CFAP61: variants seen among roughly 807,000 people sequenced by gnomAD.
The protein encoded by CFAP61 is cilia- and flagella-associated protein 61.
CFAP61 carries 107 observed loss-of-function variants against 135.6 expected under a neutral mutation model. That is an observed-to-expected ratio of 0.79 (90% CI 0.67 to 0.93). The LOEUF is 0.93. Ranked by LOEUF, CFAP61 falls within the 40% of genes least tolerant of loss-of-function variation. The pLI is 0.00. For missense variants in CFAP61, 1,507 were observed against 1,556.2 expected, an observed-to-expected ratio of 0.97 and a Z score of 0.53; for synonymous variants, 575 against 578.5, an observed-to-expected ratio of 0.99 and a Z score of 0.09.
rs1464843549 is a variant in CFAP61, at chr20:20,052,564, A to AGT, written c.-62_-61dup. ...GCGTCCTCCTTGCGGCAGCGCGTGG[A>AGT]GTGCGGCGTCCTGGAGCTGCGGATG... is the stretch of plus-strand genomic sequence containing the variant. On this transcript the variant is annotated 5_prime_UTR_variant, in exon 1 of 27. Transcript: ENST00000245957. 5.6e-6 allele frequency: 9 copies of AGT among 1,613,816 alleles called. No individual in the cohort carries two copies. Among genetic ancestry groups the AGT allele is most frequent in the Non-Finnish European group, 6.8e-6 (8 of 1,179,900 alleles).
intron 22 of CFAP61, among the ~76,000 whole-genome samples, chr20:20,282,664 G>T (rs753374443): frequency 6.6e-6 from 1 of 152,088 alleles, no homozygotes; most frequent in Non-Finnish European, 1.5e-5. Flanking sequence ...TAGAGCCAGG[G>T]ACGGTAACTC....
intron 26 of CFAP61, among the ~76,000 whole-genome samples, chr20:20,353,935 A>C (rs1332780047): frequency 6.6e-6 from 1 of 152,266 alleles, no homozygotes; most frequent in East Asian, 1.9e-4. Context: ...AAAACTAAAA[A>C]TAGAATTACA....
At chr20:20,064,594 T>C (rs1478477143) in intron 2 of CFAP61, among the ~76,000 whole-genome samples, 1 of 152,200 alleles carries the variant, frequency 6.6e-6, no homozygotes, top group African/African-American at 2.4e-5. Context: ...CGTAATTTCA[T>C]CTTGCTACTC....
intron 20 of CFAP61, among the ~76,000 whole-genome samples, chr20:20,259,137 G>GA (rs1046604092): frequency 1.3e-5 from 2 of 150,562 alleles, no homozygotes; most frequent in Non-Finnish European, 3.0e-5. Context: ...AGTTCAAAAA[G>GA]AAAAAGTTTA....
chr20:20,233,781 G>A (rs1461159482), intron 18 of CFAP61, among the ~76,000 whole-genome samples: 2 of 152,248 alleles, frequency 1.3e-5, no homozygotes, highest in South Asian at 2.1e-4. Flanking sequence ...ACCCCTGCTC[G>A]TTTCAGTATA....
intron 9 of CFAP61, among the ~76,000 whole-genome samples, chr20:20,156,128 A>G (rs1569022574): frequency 6.6e-6 from 1 of 152,178 alleles, no homozygotes; most frequent in African/African-American, 2.4e-5. Context: ...TTTCCATGCA[A>G]CCAAACACCA....
chr20:20,118,342 T>C (rs1214966090), intron 8 of CFAP61, among the ~76,000 whole-genome samples: 3 of 147,594 alleles, frequency 2.0e-5, no homozygotes, highest in Non-Finnish European at 4.4e-5. Context: ...GTCTTTCTTC[T>C]TCTTTTTTTT....
rs571789732 is a variant in CFAP61 at position 20,059,435 on chromosome 20, G to A, written c.143+2639G>A. Among the ~76,000 whole-genome samples, 5 of 148,392 alleles carry A rather than the reference G, an allele frequency of 3.4e-5. No homozygotes were observed. The South Asian group carries it at 1.1e-3, about 32-fold the overall frequency. On this transcript the variant is annotated intron_variant, in intron 2 of 26. Transcript: ENST00000245957. ...AGTTTGAGACCAACCTGGCCTATAT[G>A]GCAAAACCCCATCTCTACCAAAAAT...
rs553083342 is a variant in CFAP61, at chr20:20,284,302, T to C, written c.2797-4307T>C. ...TTATTTTATTTTATTTTATTTTATT[T>C]TGAGATGGAGTCTCGCTTTGTTGCC... On this transcript the variant is annotated intron_variant, in intron 22 of 26. Coordinates refer to ENST00000245957, the MANE Select transcript of CFAP61 (RefSeq NM_015585.4). Among the ~76,000 whole-genome samples the C allele has an allele frequency of 1.2e-3, 13 of 10,500 alleles. No individual in the cohort carries two copies. In the South Asian group the frequency reaches 0.033, roughly 27 times the overall value. The allele number at this position is 10,500 out of a possible 152,430, so 6.9% of individuals were successfully genotyped here.
chr20:20,188,412 G>T (rs564164530), intron 14 of CFAP61, among the ~76,000 whole-genome samples: 1 of 152,308 alleles, frequency 6.6e-6, no homozygotes, highest in African/African-American at 2.4e-5. Flanking sequence ...GAATCCATGG[G>T]TATCTGGTGC....
chr20:20,228,859 C>T (rs2048925786), intron 18 of CFAP61, among the ~76,000 whole-genome samples: 1 of 152,204 alleles, frequency 6.6e-6, no homozygotes, highest in African/African-American at 2.4e-5. Context: ...AGATCCTGCA[C>T]CCAACTTACA....
At position 20,143,041 on chromosome 20, in the gene CFAP61, C is replaced by T. The variant is rs146303145; in HGVS notation, c.951+93C>T. 1.4e-3 allele frequency: 1,047 copies of T among 736,468 alleles called. 8 individuals are homozygous for T. In the African/African-American group the frequency reaches 0.017, roughly 12 times the overall value. The allele number at this position is 736,468 out of a possible 1,614,324, so 45.6% of individuals were successfully genotyped here. ...GGCATCTCTGGTGCTGGCGTCACTACGGAGAAGTTCTAATGCCTGATGCAG... is the reference window on the plus strand; with the variant it reads ...GGCATCTCTGGTGCTGGCGTCACTATGGAGAAGTTCTAATGCCTGATGCAG... On this transcript the variant is annotated intron_variant, in intron 9 of 26. Coordinates refer to ENST00000245957, the MANE Select transcript of CFAP61 (RefSeq NM_015585.4).
chr20:20,360,392 G>A lies in CFAP61; in HGVS notation c.3696G>A (p.Ala1232=), dbSNP rs768757387. 3.1e-6 allele frequency: 5 copies of A among 1,613,796 alleles called. No individual in the cohort carries two copies. The Admixed American group carries it at 8.3e-5, about 27-fold the overall frequency. The change falls in exon 27 of 27, where the codon GCG becomes GCA. Residue 1232 remains alanine (A), a synonymous_variant. Transcript: ENST00000245957. ...ACCGCTACCACCTGCCCATGTACGC[G>A]TGGCCAGGCATCGTTTAGTTGTAGG... ...HYNRYHLPMY[A]WPGIV is the part of the protein sequence containing the mutation.
At chr20:20,247,421 G>A (rs1354250531) in intron 19 of CFAP61, among the ~76,000 whole-genome samples, 1 of 152,226 alleles carries the variant, frequency 6.6e-6, no homozygotes, top group Non-Finnish European at 1.5e-5. Context: ...CGTCCCTGCT[G>A]CTGTCCCTGC....
chr20:20,084,256 G>T (rs959483481), intron 6 of CFAP61, among the ~76,000 whole-genome samples: 1 of 152,150 alleles, frequency 6.6e-6, no homozygotes. Context: ...ATATATTTAT[G>T]GTGTTTGAAG....
intron 8 of CFAP61, among the ~76,000 whole-genome samples, chr20:20,103,985 A>T (rs1423054497): frequency 6.6e-6 from 1 of 152,254 alleles, no homozygotes; most frequent in African/African-American, 2.4e-5. Context: ...CTCTGTTTTA[A>T]AAGACTCCTG....
intron 17 of CFAP61, 33 bp downstream of exon 17, chr20:20,199,935 G>A: frequency 1.9e-6 from 3 of 1,610,390 alleles, no homozygotes; most frequent in Non-Finnish European, 2.5e-6. Flanking sequence ...GGGCGGCGCG[G>A]TGCCAGCTCC....
chr20:20,191,183 A>G (rs764528785), intron 14 of CFAP61, among the ~76,000 whole-genome samples, 159 bp from the exon 15 acceptor site: 6 of 152,120 alleles, frequency 3.9e-5, no homozygotes, highest in Non-Finnish European at 4.4e-5. Context: ...TCCGGTGGAC[A>G]TAGGGAAGGC....
At chr20:20,172,307 G>A in intron 13 of CFAP61, 1 of 955,848 alleles carries the variant, frequency 1.0e-6, no homozygotes, top group Non-Finnish European at 1.2e-6. Flanking sequence ...TGATTTTTTT[G>A]TTTTAATTAA....
Sources: allele counts gnomAD v4.1 joint callset (sites outside exome capture counted in the v4.1 genomes callset), GRCh38; gene constraint gnomAD v4.1.1; transcripts MANE v1.5; gene names NCBI Gene and HGNC (gene_info 2026-07-23, HGNC 2026-07-21).